Variants in CDH12 observed in about 807,000 individuals in gnomAD.
CDH12 encodes cadherin-12.
Under a neutral mutation model 74.1 loss-of-function variants are expected in CDH12, and 41 were observed. The ratio of observed to expected loss-of-function variants is 0.55; its 90% CI spans 0.43 to 0.72. The LOEUF is 0.72. Among genes scored for constraint, CDH12 ranks in the 30% least tolerant of loss-of-function variants. The probability of loss-of-function intolerance (pLI) is 0.00; values close to 1 mark genes in which losing one functional copy is unlikely to be tolerated. For missense variants in CDH12, 945 were observed against 977.2 expected (o/e 0.97, Z 0.44); for synonymous variants, 399 against 355.0 (o/e 1.12, Z -1.39).
At chr5:22,220,772 C>T (rs549846721) in intron 3 of CDH12, among the ~76,000 whole-genome samples, 1 of 151,680 alleles carries the variant, frequency 6.6e-6, no homozygotes, top group Non-Finnish European at 1.5e-5. Context: ...CATACTGATT[C>T]TCTCACAGAT....
intron 4 of CDH12, among the ~76,000 whole-genome samples, chr5:22,169,521 C>T (rs1223198157): frequency 3.3e-5 from 5 of 151,888 alleles, no homozygotes; most frequent in African/African-American, 9.7e-5. Context: ...ATGACCTTGA[C>T]GAGCCTCACA....
chr5:22,175,386 A>G (rs1472429370), intron 4 of CDH12, among the ~76,000 whole-genome samples: 1 of 151,874 alleles, frequency 6.6e-6, no homozygotes, highest in African/African-American at 2.4e-5. Flanking sequence ...CTATCAGGTT[A>G]TTCTGTTAAA....
intron 5 of CDH12, among the ~76,000 whole-genome samples, chr5:21,997,068 T>A (rs931285019): frequency 6.6e-6 from 1 of 152,168 alleles, no homozygotes; most frequent in Non-Finnish European, 1.5e-5. Flanking sequence ...TTATAGATAT[T>A]ATCTTCTTTG....
chr5:22,287,736 A>C (rs967645551), intron 3 of CDH12, among the ~76,000 whole-genome samples: 30 of 151,874 alleles, frequency 2.0e-4, no homozygotes, highest in Middle Eastern at 3.4e-3. Flanking sequence ...AAAAAAAAAA[A>C]AAAAATGTAT....
At chr5:21,979,089 T>C (rs1757195603) in intron 5 of CDH12, among the ~76,000 whole-genome samples, 1 of 151,904 alleles carries the variant, frequency 6.6e-6, no homozygotes, top group South Asian at 2.1e-4. Context: ...TACACAGCCT[T>C]TTTAATCTAC....
At chr5:21,919,952 G>C (rs1460284945) in intron 6 of CDH12, among the ~76,000 whole-genome samples, 2 of 151,952 alleles carry the variant, frequency 1.3e-5, no homozygotes, top group East Asian at 3.9e-4. Flanking sequence ...ATAATATTAA[G>C]AAAAATATCT....
intron 3 of CDH12, among the ~76,000 whole-genome samples, chr5:22,301,992 G>A (rs1307505682): frequency 7.0e-6 from 1 of 142,710 alleles, no homozygotes; most frequent in Non-Finnish European, 1.5e-5. Flanking sequence ...AAAACATATA[G>A]GTACATATAT....
At chr5:21,867,605 C>A (rs752044205) in intron 6 of CDH12, among the ~76,000 whole-genome samples, 14 of 152,176 alleles carry the variant, frequency 9.2e-5, no homozygotes, top group Admixed American at 6.5e-5. Flanking sequence ...GGGCCTGTAG[C>A]CCCTTTGTTT....
In CDH12 at chr5:21,751,009, A is replaced by G. The variant is rs530909247; in HGVS notation, c.*728T>C. The G allele has an allele frequency of 6.6e-6, 1 of 151,996 alleles. No individual in the cohort carries two copies. Among genetic ancestry groups the G allele is most frequent in the East Asian group, 1.9e-4 (1 of 5,158 alleles). 9.4% of individuals were successfully genotyped at this position (151,996 alleles called of 1,614,324 possible). ...CATTTTAATGAACAGCTTTAATGTG[A>G]ACTAATGTTAAGATCAAACATTGTT... On this transcript the variant is annotated 3_prime_UTR_variant, in exon 15 of 15. Transcript: ENST00000382254.
intron 1 of CDH12, among the ~76,000 whole-genome samples, chr5:22,771,915 T>C (rs899488793): frequency 1.3e-5 from 2 of 152,068 alleles, no homozygotes; most frequent in African/African-American, 2.4e-5. Context: ...GTGTATATGA[T>C]ATATATAAAC....
intron 5 of CDH12, among the ~76,000 whole-genome samples, chr5:22,076,497 T>C (rs1742323125): frequency 6.6e-6 from 1 of 152,164 alleles, no homozygotes; most frequent in East Asian, 1.9e-4. Flanking sequence ...AACCTCAATA[T>C]GATGTCTAGC....
chr5:22,543,010 GT>G, intron 1 of CDH12, among the ~76,000 whole-genome samples: 1 of 152,134 alleles, frequency 6.6e-6, no homozygotes, highest in Non-Finnish European at 1.5e-5. Flanking sequence ...CTGATTATAA[GT>G]TCCTATAATT....
At chr5:22,294,469 A>T (rs1737537679) in intron 3 of CDH12, among the ~76,000 whole-genome samples, 1 of 152,216 alleles carries the variant, frequency 6.6e-6, no homozygotes, top group African/African-American at 2.4e-5. Flanking sequence ...GTGTAGTACA[A>T]TTGAAGTATC....
At chr5:22,770,948 G>A (rs1455817394) in intron 1 of CDH12, among the ~76,000 whole-genome samples, 4 of 152,062 alleles carry the variant, frequency 2.6e-5, no homozygotes, top group African/African-American at 9.7e-5. Flanking sequence ...TTGCACTATA[G>A]TTGCAAAATG....
At chr5:21,992,984 T>G (rs1423017849) in intron 5 of CDH12, among the ~76,000 whole-genome samples, 1 of 151,862 alleles carries the variant, frequency 6.6e-6, no homozygotes, top group Non-Finnish European at 1.5e-5. Flanking sequence ...GAGAGAGAGA[T>G]AGCCAGGGGT....
chr5:22,356,591 T>C (rs1740571299), intron 3 of CDH12, among the ~76,000 whole-genome samples: 1 of 152,140 alleles, frequency 6.6e-6, no homozygotes, highest in African/African-American at 2.4e-5. Context: ...GCAATAAATA[T>C]ATCTGATGTA....
rs190013131 is a variant in CDH12 at position 22,535,279 on chromosome 5, C to T, written c.-522-29915G>A. Among the ~76,000 whole-genome samples, 83 of 151,816 alleles carry T rather than the reference C, an allele frequency of 5.5e-4. 1 individual carries two copies. The East Asian group carries it at 0.014, about 25-fold the overall frequency. Reference sequence around the variant, plus strand: ...ACGCCATTCTCCTACTTCAGCCTCCCGAGTAGCTGGGACTACAGGCGCCCG... The same window carrying T: ...ACGCCATTCTCCTACTTCAGCCTCCTGAGTAGCTGGGACTACAGGCGCCCG... On this transcript the variant is annotated intron_variant, in intron 1 of 14. Coordinates refer to ENST00000382254, the MANE Select transcript of CDH12 (RefSeq NM_004061.5).
intron 9 of CDH12, among the ~76,000 whole-genome samples, chr5:21,804,852 A>G (rs1452521258): frequency 6.6e-6 from 1 of 152,092 alleles, no homozygotes; most frequent in Non-Finnish European, 1.5e-5. Flanking sequence ...CTATAATTAC[A>G]TGTGTTTAAG....
rs1334391136 is a variant in CDH12 at position 22,681,259 on chromosome 5, GTGTGTA to G, written c.-523+171793_-523+171798del. ...TGTGTGTGTGTGTGTGTGTGTGTGT[GTGTGTA>G]TTAGATAAGTGCCCAGGAGCAGTTT... On this transcript the variant is annotated intron_variant, in intron 1 of 14. Coordinates refer to ENST00000382254, the MANE Select transcript of CDH12 (RefSeq NM_004061.5). Among the ~76,000 whole-genome samples the G allele has an allele frequency of 6.9e-4, 105 of 151,338 alleles. 2 individuals are homozygous for G. The highest frequency in any genetic ancestry group is 2.0e-3 in the African/African-American group (81 of 41,292).
Sources: gnomAD v4.1 joint callset for allele counts (sites outside exome capture counted in the v4.1 genomes callset) on GRCh38, gnomAD v4.1.1 for gene constraint, MANE v1.5 for transcripts, NCBI Gene and HGNC (gene_info 2026-07-23, HGNC 2026-07-21) for gene names.